CLOCK: variants seen among roughly 807,000 people sequenced by gnomAD.
CLOCK encodes the protein clock circadian regulator.
Under a neutral mutation model 118.4 loss-of-function variants are expected in CLOCK, and 43 were observed. The observed-to-expected ratio is 0.36, with a 90% CI of 0.28 to 0.47. The LOEUF is 0.47. CLOCK is among the 20% of genes least tolerant of loss of function. The pLI is 1.00. For synonymous variants in CLOCK, 326 were observed against 339.2 expected (o/e 0.96, Z 0.43); for missense variants, 846 against 999.9 (o/e 0.85, Z 2.08).
rs981917574 is a variant in CLOCK at position 55,432,494 on chromosome 4, A to G, written c.*2921T>C. 7 of 101,418 alleles carry G rather than the reference A, an allele frequency of 6.9e-5. No homozygotes were observed. The highest frequency in any genetic ancestry group is 2.0e-4 in the African/African-American group (6 of 29,796). The allele number at this position is 101,418 out of a possible 1,614,324, so 6.3% of individuals were successfully genotyped here. A position where few individuals can be genotyped will look rare whatever the true frequency, so the allele number is the denominator to read the frequency against. On this transcript the variant is annotated 3_prime_UTR_variant, in exon 23 of 23. Coordinates refer to ENST00000513440, the MANE Select transcript of CLOCK (RefSeq NM_004898.4). The stretch of plus-strand genomic sequence containing the variant: ...GAAGACTTTTTTTTTTTTTTTTTTA[A>G]AGCTGGAAGGTGTTTCTATTTGGTA...
chr4:55,530,311 A>C (rs1385555880), intron 1 of CLOCK, among the ~76,000 whole-genome samples: 1 of 152,196 alleles, frequency 6.6e-6, no homozygotes, highest in Admixed American at 6.5e-5. Context: ...CTTGATGCTC[A>C]ACAGAATTGA....
At chr4:55,444,923 A>AT in intron 18 of CLOCK, 138 bp from the exon 19 acceptor site, 1 of 893,430 alleles carries the variant, frequency 1.1e-6, no homozygotes, top group Non-Finnish European at 1.8e-6. Flanking sequence ...CTTAGTTTCT[A>AT]ATCCACCCAT....
chr4:55,440,367 CA>C (rs565488810), intron 21 of CLOCK, among the ~76,000 whole-genome samples: 29 of 152,120 alleles, frequency 1.9e-4, no homozygotes, highest in African/African-American at 6.3e-4. Flanking sequence ...ACAATAACCC[CA>C]AAAAAATGAT....
At chr4:55,535,187 A>T (rs1175291176) in intron 1 of CLOCK, among the ~76,000 whole-genome samples, 2 of 148,998 alleles carry the variant, frequency 1.3e-5, no homozygotes, top group South Asian at 2.1e-4. Flanking sequence ...TTATCAGTAT[A>T]AAAAAAAATT....
chr4:55,506,140 G>A (rs73153661), intron 2 of CLOCK, among the ~76,000 whole-genome samples: 3,966 of 151,914 alleles, frequency 0.026, 178 homozygotes, highest in African/African-American at 0.092. Flanking sequence ...TCCAATCCAG[G>A]GTCATGTACT....
intron 2 of CLOCK, among the ~76,000 whole-genome samples, chr4:55,494,761 AAAG>A (rs150183280): frequency 0.025 from 3,822 of 152,232 alleles, 159 homozygotes; most frequent in African/African-American, 0.087. Flanking sequence ...TTTGAAAGTG[AAAG>A]AAGGTGGCCA....
intron 22 of CLOCK, among the ~76,000 whole-genome samples, chr4:55,437,899 A>G (rs527384994): frequency 5.9e-5 from 9 of 152,244 alleles, no homozygotes; most frequent in Admixed American, 2.6e-4. Context: ...GGTAACACCT[A>G]TACTAGTAAA....
chr4:55,539,191 C>T (rs1415128033), intron 1 of CLOCK, among the ~76,000 whole-genome samples: 5 of 151,866 alleles, frequency 3.3e-5, no homozygotes, highest in African/African-American at 4.8e-5. Flanking sequence ...GCTCAGATCA[C>T]GCCACTGCAC....
chr4:55,451,989 T>A (rs1252087189), intron 15 of CLOCK, among the ~76,000 whole-genome samples: 2 of 152,174 alleles, frequency 1.3e-5, no homozygotes, highest in Non-Finnish European at 2.9e-5. Flanking sequence ...CCTATTTAAC[T>A]CAAGTTTTAT....
At position 55,450,096 on chromosome 4, in the gene CLOCK, G is replaced by T. The variant is rs762379846; in HGVS notation, c.1343C>A (p.Pro448His). ...RKSSHTAVSD[P>H]SSTPTKIPTD... ...TTTGAAGCAAGGGTACTCACAGGAAGGGTCTGAGACGGCCGTGTGAGATGA... is the reference window on the plus strand; with the variant it reads ...TTTGAAGCAAGGGTACTCACAGGAATGGTCTGAGACGGCCGTGTGAGATGA... Residue 448 changes from proline (P) to histidine (H), a missense_variant, in exon 16 of 23, where the codon CCT (proline) becomes CAT (histidine). Pro to His is a moderately conservative substitution (Grantham distance 77). Around this residue, in one of 4 missense-constraint regions of CLOCK, gnomAD observed 520 missense variants for 558.0 expected, o/e 0.93. Coordinates refer to ENST00000513440, the MANE Select transcript of CLOCK (RefSeq NM_004898.4). The T allele has an allele frequency of 2.5e-6, 4 of 1,614,026 alleles. No homozygotes were observed. The African/African-American group carries it at 4.0e-5, about 16-fold the overall frequency.
intron 1 of CLOCK, among the ~76,000 whole-genome samples, chr4:55,537,157 A>T (rs1324895665): frequency 1.3e-5 from 2 of 152,190 alleles, no homozygotes; most frequent in African/African-American, 4.8e-5. Context: ...ATTATAAAGT[A>T]CTCTGAATGG....
At chr4:55,534,430 GCACA>G (rs1316275511) in intron 1 of CLOCK, among the ~76,000 whole-genome samples, 1 of 152,026 alleles carries the variant, frequency 6.6e-6, no homozygotes. Flanking sequence ...AAATTCAACA[GCACA>G]CAGTCTATGT....
intron 7 of CLOCK, among the ~76,000 whole-genome samples, chr4:55,473,246 G>C (rs968612400): frequency 6.6e-6 from 1 of 151,530 alleles, no homozygotes; most frequent in African/African-American, 2.4e-5. Flanking sequence ...AAGAAGACAA[G>C]TGTTCCTCAA....
chr4:55,521,091 C>T (rs994965745), intron 1 of CLOCK, among the ~76,000 whole-genome samples: 4 of 152,160 alleles, frequency 2.6e-5, no homozygotes, highest in South Asian at 2.1e-4. Flanking sequence ...GATATTCTTA[C>T]AAAAGTGCAA....
At chr4:55,501,217 G>A (rs1728411561) in intron 2 of CLOCK, among the ~76,000 whole-genome samples, 1 of 152,108 alleles carries the variant, frequency 6.6e-6, no homozygotes, top group African/African-American at 2.4e-5. Context: ...CTATTTGGTA[G>A]TCCTGGAATA....
intron 8 of CLOCK, among the ~76,000 whole-genome samples, chr4:55,465,323 T>C (rs1000490158): frequency 6.6e-6 from 1 of 152,296 alleles, no homozygotes; most frequent in Middle Eastern, 3.4e-3. Flanking sequence ...CTATGCGGCT[T>C]GATGATCCAT....
At chr4:55,443,446 G>C (rs987010732) in intron 20 of CLOCK, among the ~76,000 whole-genome samples, 1 of 143,278 alleles carries the variant, frequency 7.0e-6, no homozygotes, top group Non-Finnish European at 1.5e-5. Flanking sequence ...TTGCACTCCA[G>C]CCTGGGCAAC....
At chr4:55,516,805 T>C (rs968310840) in intron 1 of CLOCK, among the ~76,000 whole-genome samples, 7 of 152,222 alleles carry the variant, frequency 4.6e-5, no homozygotes, top group Non-Finnish European at 8.8e-5. Flanking sequence ...TTTTACATGA[T>C]TCTATTTTCC....
chr4:55,475,231 G>A (rs1357499906), intron 7 of CLOCK, among the ~76,000 whole-genome samples: 1 of 152,216 alleles, frequency 6.6e-6, no homozygotes, highest in Non-Finnish European at 1.5e-5. Context: ...AGATGTGGTA[G>A]AAACGGCAAG....
Sources: gnomAD v4.1 joint callset for allele counts (sites outside exome capture counted in the v4.1 genomes callset) on GRCh38, gnomAD v4.1.1 for gene constraint, gnomAD v4.1.1 regional missense constraint, MANE v1.5 for transcripts, NCBI Gene and HGNC (gene_info 2026-07-23, HGNC 2026-07-21) for gene names.